XAGE5: variants seen among roughly 807,000 people sequenced by gnomAD.
XAGE5 encodes the protein G antigen, family D, 5.
Under a neutral mutation model 13.1 loss-of-function variants are expected in XAGE5, and 13 were observed. The ratio of observed to expected loss-of-function variants is 0.99; its 90% CI spans 0.64 to 1.57. XAGE5 has a LOEUF of 1.57. XAGE5 is among the 40% of genes most tolerant of loss of function. XAGE5 has a pLI of 0.00. For synonymous variants in XAGE5, 17 were observed against 25.0 expected (o/e 0.68, Z 0.96); for missense variants, 86 against 77.6 (o/e 1.11, Z -0.41).
intron 5 of XAGE5, among the ~76,000 whole-genome samples, chrX:52,816,456 A>G (rs148660729): frequency 8.9e-5 from 10 of 112,320 alleles, no homozygotes; most frequent in East Asian, 8.4e-4. Flanking sequence ...CCTTCTGTCA[A>G]TCGTCATGAG....
intron 5 of XAGE5, among the ~76,000 whole-genome samples, chrX:52,817,243 G>A (rs782494792): frequency 8.9e-6 from 1 of 111,906 alleles, no homozygotes; most frequent in African/African-American, 3.2e-5. Context: ...ATATCTGAAC[G>A]CCACAAAGAC....
At chrX:52,812,492 T>C in intron 2 of XAGE5, 67 bp from the exon 3 acceptor site, 1 of 1,041,571 alleles carries the variant, frequency 9.6e-7, no homozygotes, top group Non-Finnish European at 1.3e-6. Flanking sequence ...CAAGCTGGCC[T>C]CGAGCTTCTG....
At chrX:52,814,899 G>C (rs1774301745) in intron 4 of XAGE5, 193 bp from the exon 5 acceptor site, 1 of 446,036 alleles carries the variant, frequency 2.2e-6, no homozygotes, top group Non-Finnish European at 3.8e-6. Flanking sequence ...TAAAGTATGG[G>C]AAATGTAGGT....
At chrX:52,811,998 A>ATG (rs1556777395) in intron 2 of XAGE5, among the ~76,000 whole-genome samples, 1 of 111,448 alleles carries the variant, frequency 9.0e-6, no homozygotes, top group Non-Finnish European at 1.9e-5. Flanking sequence ...ATGTCTCACG[A>ATG]TGGAGAGTCC....
chrX:52,816,492 C>T (rs782287720), intron 5 of XAGE5, among the ~76,000 whole-genome samples: 7 of 111,991 alleles, frequency 6.3e-5, no homozygotes, highest in Non-Finnish European at 1.3e-4. Context: ...AGATTGAAGA[C>T]ACATATGGTA....
intron 4 of XAGE5, chrX:52,814,249 A>T (rs1556777792): frequency 3.0e-6 from 1 of 329,202 alleles, no homozygotes; most frequent in Non-Finnish European, 5.9e-6. Flanking sequence ...CAACTCCAGA[A>T]AAGAGGTCAA....
At chrX:52,815,409 GGGTGAAAGCC>G (rs1926888195) in intron 5 of XAGE5, among the ~76,000 whole-genome samples, 192 bp downstream of exon 5, 2 of 112,285 alleles carry the variant, frequency 1.8e-5, no homozygotes, top group South Asian at 7.4e-4. Flanking sequence ...GACACAAATT[GGGTGAAAGCC>G]ATATTGAACC....
In XAGE5 at chrX:52,815,046, T is replaced by C. The variant is rs202013521; in HGVS notation, c.179-46T>C. 5.7e-5 allele frequency: 68 copies of C among 1,201,921 alleles called. No homozygotes were observed. In the East Asian group the frequency reaches 1.8e-3, roughly 32 times the overall value. ...AAGAATAGGATCATCTCCTTATTTA[T>C]CATTCTGGTTTGGCTGCTCCAGTCC... On this transcript the variant is annotated intron_variant, in intron 4 of 5. Coordinates refer to ENST00000375501, the MANE Select transcript of XAGE5 (RefSeq NM_001386970.1).
At chrX:52,816,045 GC>G (rs1419831954) in intron 5 of XAGE5, among the ~76,000 whole-genome samples, 2 of 111,988 alleles carry the variant, frequency 1.8e-5, no homozygotes, top group African/African-American at 6.5e-5. Flanking sequence ...CCGGGTTCAA[GC>G]GATTCTCATG....
chrX:52,816,676 G>C (rs1926911655), intron 5 of XAGE5, among the ~76,000 whole-genome samples: 1 of 111,712 alleles, frequency 9.0e-6, no homozygotes, highest in African/African-American at 3.3e-5. Flanking sequence ...TTTAAAGGAT[G>C]CACTGCATTT....
In XAGE5 at chrX:52,815,078, T is replaced by A. The variant is rs140821548; in HGVS notation, c.179-14T>A. 1.7e-3 allele frequency: 2,100 copies of A among 1,209,158 alleles called. 31 individuals carry two copies. The African/African-American group carries it at 0.033, about 19-fold the overall frequency. ...GGTTTGGCTGCTCCAGTCCATATCC[T>A]TGGTATTTTTCAGTGCCTAACCTGG... On this transcript the variant is annotated splice_polypyrimidine_tract_variant and intron_variant, in intron 4 of 5. Transcript: ENST00000375501.
chrX:52,812,042 G>C (rs1455901911), intron 2 of XAGE5, among the ~76,000 whole-genome samples: 1 of 111,725 alleles, frequency 9.0e-6, no homozygotes, highest in Admixed American at 9.5e-5. Context: ...GAAATACCGT[G>C]TGTCTCTTGC....
At chrX:52,818,168 C>G in intron 5 of XAGE5, 23 bp from the exon 6 acceptor site, 13 of 1,210,120 alleles carry the variant, frequency 1.1e-5, no homozygotes, top group Non-Finnish European at 1.5e-5. Flanking sequence ...GTAATGTTCC[C>G]TCCTGTTATG....
chrX:52,812,131 C>T (rs1373009530), intron 2 of XAGE5: 1 of 128,296 alleles, frequency 7.8e-6, no homozygotes, highest in African/African-American at 3.2e-5. Flanking sequence ...GGCATACACA[C>T]TTATACATGC....
chrX:52,814,290 C>T (rs377477041), intron 4 of XAGE5: 15 of 324,607 alleles, frequency 4.6e-5, no homozygotes, highest in African/African-American at 2.6e-5. Flanking sequence ...CTTTGATGTA[C>T]ATTTTTGACA....
At chrX:52,812,345 C>T in intron 2 of XAGE5, 1 of 363,907 alleles carries the variant, frequency 2.7e-6, no homozygotes, top group Non-Finnish European at 4.8e-6. Flanking sequence ...GCAATCTCGG[C>T]TGGCTGCAAC....
At chrX:52,815,941 A>G (rs1480994143) in intron 5 of XAGE5, among the ~76,000 whole-genome samples, 2 of 111,223 alleles carry the variant, frequency 1.8e-5, no homozygotes, top group African/African-American at 6.5e-5. Context: ...TGTTTTATTT[A>G]TTTTTGTTTG....
chrX:52,812,162 G>A (rs781883658), intron 2 of XAGE5: 1 of 133,496 alleles, frequency 7.5e-6, no homozygotes, highest in Non-Finnish European at 1.5e-5. Flanking sequence ...ACTTTTCAAT[G>A]TCTTACCAAA....
At chrX:52,814,616 G>A (rs1166093487) in intron 4 of XAGE5, among the ~76,000 whole-genome samples, 8 of 111,633 alleles carry the variant, frequency 7.2e-5, no homozygotes, top group African/African-American at 2.6e-4. Flanking sequence ...TGATTTTGCT[G>A]TTATATTTCG....
Sources: gnomAD v4.1 joint callset for allele counts (sites outside exome capture counted in the v4.1 genomes callset) on GRCh38, gnomAD v4.1.1 for gene constraint, MANE v1.5 for transcripts, NCBI Gene and HGNC (gene_info 2026-07-23, HGNC 2026-07-21) for gene names.